Variants in FHIP1A observed in about 807,000 individuals in gnomAD.
The protein encoded by FHIP1A is FHF complex subunit HOOK-interacting protein 1A.
Under a neutral mutation model 88.6 loss-of-function variants are expected in FHIP1A, and 61 were observed. The observed-to-expected ratio is 0.69, with a 90% confidence interval of 0.56 to 0.85. FHIP1A has a LOEUF of 0.85. Among genes scored for constraint, FHIP1A ranks in the 40% least tolerant of loss-of-function variants. The pLI, the probability that FHIP1A is intolerant of heterozygous loss-of-function variation, is 0.00. For missense variants in FHIP1A, 1,154 were observed against 1,273.5 expected (o/e 0.91, Z 1.43); for synonymous variants, 478 against 496.0 (o/e 0.96, Z 0.48).
chr4:151,606,007 T>C (rs1735058854), intron 7 of FHIP1A, among the ~76,000 whole-genome samples: 1 of 152,210 alleles, frequency 6.6e-6, no homozygotes, highest in Non-Finnish European at 1.5e-5. Flanking sequence ...CTTCAAATTA[T>C]TATCACCATT....
intron 5 of FHIP1A, among the ~76,000 whole-genome samples, chr4:151,583,382 G>A (rs570461137): frequency 7.2e-5 from 11 of 152,258 alleles, no homozygotes; most frequent in South Asian, 2.1e-4. Flanking sequence ...CTTCTGTTCC[G>A]GGAGTATCCT....
rs370374898 is a variant in FHIP1A at position 151,411,343 on chromosome 4, A to ATTCTTTTTTTTTTTTTTTTTTTTTTTTTT, written c.-356+1879_-356+1880insTCTTTTTTTTTTTTTTTTTTTTTTTTTTT. On this transcript the variant is annotated intron_variant, in intron 1 of 13. Coordinates refer to ENST00000435205, the MANE Select transcript of FHIP1A (RefSeq NM_001109977.3). Reference sequence around the variant, plus strand: ...AATTGCCTCTGAGGAGTGAAATTATATATATATTTTTTTTTTTTTAAAGTT... The same window carrying ATTCTTTTTTTTTTTTTTTTTTTTTTTTTT: ...AATTGCCTCTGAGGAGTGAAATTATATTCTTTTTTTTTTTTTTTTTTTTTTTTTTTATATATTTTTTTTTTTTTAAAGTT... Among the ~76,000 whole-genome samples the ATTCTTTTTTTTTTTTTTTTTTTTTTTTTT allele has an allele frequency of 3.6e-5, 4 of 112,180 alleles. 2 individuals carry two copies. The allele number at this position is 112,180 out of a possible 152,430, so 73.6% of individuals were successfully genotyped here. A position where few individuals can be genotyped will look rare whatever the true frequency, so the allele number is the denominator to read the frequency against.
At chr4:151,412,580 TTTCTTTCC>T (rs1732696550) in intron 1 of FHIP1A, among the ~76,000 whole-genome samples, 40 of 113,458 alleles carry the variant, frequency 3.5e-4, no homozygotes, top group African/African-American at 1.3e-3. Context: ...CTTTCTTTCC[TTTCTTTCC>T]TTCCTTCCTT....
At chr4:151,562,936 A>G (rs1479754637) in intron 3 of FHIP1A, among the ~76,000 whole-genome samples, 1 of 152,126 alleles carries the variant, frequency 6.6e-6, no homozygotes, top group Admixed American at 6.6e-5. Context: ...ATTATATGAT[A>G]TATTTTATAA....
At chr4:151,417,416 A>G (rs879596509) in intron 1 of FHIP1A, among the ~76,000 whole-genome samples, 2 of 152,188 alleles carry the variant, frequency 1.3e-5, no homozygotes, top group Non-Finnish European at 2.9e-5. Flanking sequence ...GTGGAAAGTG[A>G]CCAATCAGAG....
intron 4 of FHIP1A, among the ~76,000 whole-genome samples, chr4:151,574,509 A>G (rs536651465): frequency 6.6e-6 from 1 of 152,178 alleles, no homozygotes; most frequent in South Asian, 2.1e-4. Flanking sequence ...TTGCATGCAC[A>G]TATATTGTAT....
At chr4:151,595,927 T>G (rs1734629812) in intron 7 of FHIP1A, among the ~76,000 whole-genome samples, 1 of 152,240 alleles carries the variant, frequency 6.6e-6, no homozygotes, top group African/African-American at 2.4e-5. Context: ...TCTTTGCACA[T>G]GAGATGGGTC....
intron 3 of FHIP1A, among the ~76,000 whole-genome samples, chr4:151,541,050 G>A (rs2126727567): frequency 6.6e-6 from 1 of 152,310 alleles, no homozygotes; most frequent in African/African-American, 2.4e-5. Flanking sequence ...CAGACTACTT[G>A]ATGAAGCTAG....
At chr4:151,531,978 A>G (rs1338708266) in intron 3 of FHIP1A, among the ~76,000 whole-genome samples, 5 of 152,240 alleles carry the variant, frequency 3.3e-5, no homozygotes, top group Admixed American at 2.0e-4. Flanking sequence ...TACAAAATAA[A>G]AAAGGTAAGT....
chr4:151,562,551 G>A (rs1733217927), intron 3 of FHIP1A, among the ~76,000 whole-genome samples: 2 of 152,004 alleles, frequency 1.3e-5, no homozygotes, highest in East Asian at 1.9e-4. Flanking sequence ...CTCTGGCTCC[G>A]TCTCCCCTTA....
chr4:151,545,459 C>T (rs1007869912), intron 3 of FHIP1A, among the ~76,000 whole-genome samples: 20 of 141,056 alleles, frequency 1.4e-4, no homozygotes, highest in African/African-American at 4.8e-4. Context: ...CTCACTGCAA[C>T]CTCTGCCTCC....
At chr4:151,500,919 C>T (rs891378249) in intron 3 of FHIP1A, among the ~76,000 whole-genome samples, 1 of 152,180 alleles carries the variant, frequency 6.6e-6, no homozygotes, top group Non-Finnish European at 1.5e-5. Flanking sequence ...GTATTTTTAG[C>T]TGACAAAAAT....
chr4:151,581,040 G>A (rs900442679), intron 5 of FHIP1A, among the ~76,000 whole-genome samples: 1 of 152,102 alleles, frequency 6.6e-6, no homozygotes. Context: ...TGTATTTTTA[G>A]TAGAGACAGA....
At chr4:151,421,615 T>G (rs1414145172) in intron 1 of FHIP1A, among the ~76,000 whole-genome samples, 2 of 152,134 alleles carry the variant, frequency 1.3e-5, no homozygotes, top group Non-Finnish European at 2.9e-5. Context: ...TGACATTCAA[T>G]AAATATTTGT....
intron 3 of FHIP1A, among the ~76,000 whole-genome samples, chr4:151,525,791 G>A (rs1731608643): frequency 6.7e-6 from 1 of 148,882 alleles, no homozygotes; most frequent in Non-Finnish European, 1.5e-5. Flanking sequence ...ATCATTCTTG[G>A]GTGTTTCTCG....
At chr4:151,592,582 C>T (rs193049787) in intron 7 of FHIP1A, among the ~76,000 whole-genome samples, 1 of 152,108 alleles carries the variant, frequency 6.6e-6, no homozygotes, top group African/African-American at 2.4e-5. Flanking sequence ...TGAGAAATGT[C>T]TGTTCATAAT....
intron 3 of FHIP1A, among the ~76,000 whole-genome samples, chr4:151,539,562 T>TA (rs1215200409): frequency 0.14 from 14,284 of 102,448 alleles, 1,164 homozygotes; most frequent in African/African-American, 0.24. Context: ...AGACTCTGTC[T>TA]AAAAAAAAAA....
intron 1 of FHIP1A, among the ~76,000 whole-genome samples, chr4:151,411,032 G>A (rs1732618453): frequency 6.6e-6 from 1 of 152,160 alleles, no homozygotes; most frequent in African/African-American, 2.4e-5. Context: ...AAAAATTTAG[G>A]TCCAACTGCC....
intron 7 of FHIP1A, among the ~76,000 whole-genome samples, chr4:151,601,832 A>G (rs1734881577): frequency 6.6e-6 from 1 of 151,704 alleles, no homozygotes; most frequent in African/African-American, 2.4e-5. Context: ...CACGCTGCTG[A>G]TAAAGACATA....
Sources: allele counts gnomAD v4.1 joint callset (sites outside exome capture counted in the v4.1 genomes callset), GRCh38; gene constraint gnomAD v4.1.1; transcripts MANE v1.5; gene names NCBI Gene and HGNC (gene_info 2026-07-23, HGNC 2026-07-21).